The following MYH9 variants were observed in gnomAD, a reference collection of about 807,000 sequenced individuals.
MYH9 encodes the protein myosin-9.
MYH9 carries 29 observed loss-of-function variants against 241.9 expected under a neutral mutation model. That is an observed-to-expected ratio of 0.12 (90% CI 0.09 to 0.16). The LOEUF is 0.16. MYH9 is among the 10% of genes least tolerant of loss of function. MYH9 has a pLI of 1.00. For synonymous variants in MYH9, 1,047 were observed against 1,062.6 expected (o/e 0.99, Z 0.29); for missense variants, 1,803 against 2,595.5 (o/e 0.69, Z 6.63).
At chr22:36,298,885 C>G (rs2016830259) in intron 24 of MYH9, 34 bp downstream of exon 24, 4 of 1,611,772 alleles carry the variant, frequency 2.5e-6, no homozygotes, top group Non-Finnish European at 3.4e-6. Context: ...CCCGCCAGCC[C>G]CTGCCCATCA....
At position 36,305,703 on chromosome 22, in the gene MYH9, C is replaced by T. The variant is rs1476310496; in HGVS notation, c.2159+227G>A. Among the ~76,000 whole-genome samples, 1 of 152,218 alleles carries T rather than the reference C, an allele frequency of 6.6e-6. No homozygotes were observed. Among genetic ancestry groups the T allele is most frequent in the Non-Finnish European group, 1.5e-5 (1 of 68,040 alleles). ...GGCAGTTACTAGGAGCAAAAGTCAA[C>T]AGGATGATGATGACCTGCATTTCGG... is the stretch of plus-strand genomic sequence containing the variant. On this transcript the variant is annotated intron_variant, in intron 17 of 40. Transcript: ENST00000216181. The surrounding 1 kb of genome is among the most constrained non-coding windows in gnomAD (Gnocchi z 4.7).
At position 36,297,183 on chromosome 22, in the gene MYH9, C is replaced by T. The variant is rs2016802419; in HGVS notation, c.3101-169G>A. 3 of 716,676 alleles carry T rather than the reference C, an allele frequency of 4.2e-6. No homozygotes were observed. The East Asian group carries it at 8.2e-5, about 20-fold the overall frequency. 44.4% of individuals were successfully genotyped at this position (716,676 alleles called of 1,614,324 possible). A position where few individuals can be genotyped will look rare whatever the true frequency, so the allele number is the denominator to read the frequency against. On this transcript the variant is annotated intron_variant, in intron 24 of 40. Coordinates refer to ENST00000216181, the MANE Select transcript of MYH9 (RefSeq NM_002473.6). The stretch of plus-strand genomic sequence containing the variant: ...TCCTGGATGCAGGAAGAGGACATCA[C>T]TGCAAACTGCTAGCCCCTGGCATGT...
rs754372689 is a variant in MYH9 at position 36,349,255 on chromosome 22, C to G, written c.-19G>C. The G allele has an allele frequency of 6.2e-7, 1 of 1,612,174 alleles. No individual in the cohort carries two copies. The highest frequency in any genetic ancestry group is 1.7e-5 in the Admixed American group (1 of 59,974). On this transcript the variant is annotated splice_region_variant and 5_prime_UTR_variant, in exon 2 of 41. Transcript: ENST00000216181. ...GTGCCATGGTGACTTATAGCCAGGA[C>G]CTAAGCGGGGAGGAGAAGGACAACA...
chr22:36,300,356 A>G lies in MYH9; in HGVS notation c.2839-92T>C. The G allele has an allele frequency of 6.4e-7, 1 of 1,573,524 alleles. No individual in the cohort carries two copies. Among genetic ancestry groups the G allele is most frequent in the South Asian group, 1.1e-5 (1 of 90,380 alleles). On this transcript the variant is annotated intron_variant, in intron 22 of 40. Transcript: ENST00000216181. The surrounding 1 kb of genome is among the most constrained non-coding windows in gnomAD (Gnocchi z 5.0). ...GGTCCGAAGGCCAGATCCAAACGCCAAGGAGAAAATAGCAAGGTCTGTGAG... is the reference window on the plus strand; with the variant it reads ...GGTCCGAAGGCCAGATCCAAACGCCGAGGAGAAAATAGCAAGGTCTGTGAG...
At chr22:36,380,668 G>A (rs2018243428) in intron 1 of MYH9, among the ~76,000 whole-genome samples, 1 of 152,226 alleles carries the variant, frequency 6.6e-6, no homozygotes, top group Admixed American at 6.5e-5. Context: ...TTGAACCTGG[G>A]AGGTGGAGGT....
chr22:36,298,209 T>G (rs2016818066), intron 24 of MYH9, among the ~76,000 whole-genome samples: 1 of 152,134 alleles, frequency 6.6e-6, no homozygotes, highest in South Asian at 2.1e-4. Flanking sequence ...CCCCTGGGTA[T>G]GAGCTCAGAG....
At chr22:36,297,164 A>C (rs2016802241) in intron 24 of MYH9, 150 bp from the exon 25 acceptor site, 2 of 848,166 alleles carry the variant, frequency 2.4e-6, no homozygotes, top group African/African-American at 3.4e-5. Context: ...CAACTCCTGG[A>C]TGCAGGAAGA....
At chr22:36,333,256 G>A (rs1355929506) in intron 3 of MYH9, among the ~76,000 whole-genome samples, 1 of 152,260 alleles carries the variant, frequency 6.6e-6, no homozygotes, top group Non-Finnish European at 1.5e-5. Context: ...ATCAATGGTA[G>A]GAGGTGAACA....
At chr22:36,317,816 G>A (rs967492313) in intron 11 of MYH9, among the ~76,000 whole-genome samples, 1 of 152,264 alleles carries the variant, frequency 6.6e-6, no homozygotes, top group African/African-American at 2.4e-5. Flanking sequence ...ACAGCCGCTT[G>A]GCACAGGCTC....
chr22:36,294,393 T>G (rs898530955), intron 27 of MYH9, 95 bp from the exon 28 acceptor site: 13 of 1,372,410 alleles, frequency 9.5e-6, no homozygotes, highest in Non-Finnish European at 1.3e-5. Context: ...ACATCGCTGC[T>G]TCTGCAGCCC....
intron 1 of MYH9, among the ~76,000 whole-genome samples, chr22:36,370,029 T>C (rs980138129): frequency 6.6e-6 from 1 of 152,236 alleles, no homozygotes; most frequent in Non-Finnish European, 1.5e-5. Context: ...TAAAAATATA[T>C]CACCTGGCAC....
At chr22:36,302,334 G>A (rs2016891988) in intron 20 of MYH9, 3 of 470,180 alleles carry the variant, frequency 6.4e-6, no homozygotes, top group Middle Eastern at 6.1e-4. Flanking sequence ...GGGCAAGATA[G>A]TGAGACCTTG....
intron 1 of MYH9, among the ~76,000 whole-genome samples, chr22:36,385,728 C>A (rs993514328): frequency 1.3e-5 from 2 of 152,204 alleles, no homozygotes; most frequent in African/African-American, 2.4e-5. Context: ...CCCACCTGCG[C>A]TGCCAGGGTT....
At chr22:36,357,654 T>G (rs1243404230) in intron 1 of MYH9, among the ~76,000 whole-genome samples, 4 of 152,104 alleles carry the variant, frequency 2.6e-5, no homozygotes, top group African/African-American at 9.7e-5. Context: ...AAGCCAGACC[T>G]CTCAGTCGTC....
rs1434039229 is a variant in MYH9, at chr22:36,319,644, G to A, written c.1013-9C>T. 1 of 1,613,640 alleles carries A rather than the reference G, an allele frequency of 6.2e-7. No individual in the cohort carries two copies. On this transcript the variant is annotated splice_polypyrimidine_tract_variant and intron_variant, in intron 9 of 40. Transcript: ENST00000216181. ...GATGACCCGCAGCAGGCCTTTGGGT[G>A]CAATCAGAGGCAGCTCAGAAGCAGA...
rs547827270 is a variant in MYH9 at position 36,322,526 on chromosome 22, A to G, written c.613-5T>C. The G allele has an allele frequency of 6.2e-7, 1 of 1,613,544 alleles. No individual in the cohort carries two copies. The highest frequency in any genetic ancestry group is 1.3e-5 in the African/African-American group (1 of 75,070). Reference sequence around the variant, plus strand: ...CAGCTGCCGCTCCAGCTCGCCCTGCAAGGAACCCAGGGACGCAGTGAAGGC... The same window carrying G: ...CAGCTGCCGCTCCAGCTCGCCCTGCGAGGAACCCAGGGACGCAGTGAAGGC... On this transcript the variant is annotated splice_region_variant and splice_polypyrimidine_tract_variant and intron_variant, in intron 5 of 40. Coordinates refer to ENST00000216181, the MANE Select transcript of MYH9 (RefSeq NM_002473.6).
intron 15 of MYH9, 111 bp downstream of exon 15, chr22:36,309,150 GGGCAGAGACCACCTGGCCTAT>G: frequency 1.2e-6 from 1 of 808,600 alleles, no homozygotes; most frequent in Non-Finnish European, 2.1e-6. Context: ...GAGCTACAGA[GGGCAGAGACCACCTGGCCTAT>G]GTCAGGGGGC....
At chr22:36,372,560 T>C (rs1048891668) in intron 1 of MYH9, among the ~76,000 whole-genome samples, 1 of 151,912 alleles carries the variant, frequency 6.6e-6, no homozygotes, top group African/African-American at 2.4e-5. Context: ...ATTGTGTTTT[T>C]GCTGAGTTTG....
At position 36,285,885 on chromosome 22, in the gene MYH9, G is replaced by T. The variant is rs150198935; in HGVS notation, c.5130C>A (p.Ile1710=). ...QQERDELADE[I]ANSSGKGALA... ...CTCACCCTTTGCCGCTGCTGTTGGC[G>T]ATCTCGTCAGCCAGCTCATCCCGCT... The change falls in exon 36 of 41, where the codon ATC becomes ATA. Residue 1710 remains isoleucine, a synonymous_variant. Transcript: ENST00000216181. The surrounding 1 kb of genome is among the most constrained non-coding windows in gnomAD (Gnocchi z 7.0). 6.2e-7 allele frequency: 1 copy of T among 1,613,258 alleles called. No individual in the cohort carries two copies. The highest frequency in any genetic ancestry group is 1.3e-5 in the African/African-American group (1 of 74,844).
Sources: allele counts gnomAD v4.1 joint callset (sites outside exome capture counted in the v4.1 genomes callset), GRCh38; gene constraint gnomAD v4.1.1; non-coding constraint Gnocchi (gnomAD v3.1); transcripts MANE v1.5; gene names NCBI Gene and HGNC (gene_info 2026-07-23, HGNC 2026-07-21).